Variants in RRAGD observed in about 807,000 individuals in gnomAD.
RRAGD encodes the protein Ras related GTP binding D.
RRAGD carries 12 observed loss-of-function variants against 35.5 expected under a neutral mutation model. The observed-to-expected ratio is 0.34, with a 90% confidence interval of 0.22 to 0.55. The LOEUF (loss-of-function observed/expected upper bound fraction) is 0.55. RRAGD is among the 20% of genes least tolerant of loss of function. RRAGD has a pLI of 0.91. For missense variants in RRAGD, 324 were observed against 490.1 expected (o/e 0.66, Z 3.20); for synonymous variants, 155 against 178.9 (o/e 0.87, Z 1.07).
rs1219903492 is a variant in RRAGD, at chr6:89,412,139, C to A, written c.-146G>T. ...CGGCGGAAGCGGGGGCCGCGCGTCCCCCGGCGGGCGGCGCCCAGGTCCGGG... is the reference window on the plus strand; with the variant it reads ...CGGCGGAAGCGGGGGCCGCGCGTCCACCGGCGGGCGGCGCCCAGGTCCGGG... On this transcript the variant is annotated 5_prime_UTR_variant, in exon 1 of 7. Coordinates refer to ENST00000369415, the MANE Select transcript of RRAGD (RefSeq NM_021244.5). This position sits in a 1 kb window ranked among gnomAD's most constrained non-coding sequence, Gnocchi z 4.2. The A allele has an allele frequency of 1.7e-5, 13 of 758,152 alleles. No homozygotes were observed. Among genetic ancestry groups the A allele is most frequent in the Non-Finnish European group, 2.2e-5 (12 of 553,460 alleles). The allele number at this position is 758,152 out of a possible 1,614,324, so 47.0% of individuals were successfully genotyped here.
At chr6:89,379,508 CCCA>C (rs1769006517) in intron 3 of RRAGD, among the ~76,000 whole-genome samples, 170 bp from the exon 4 acceptor site, 1 of 152,284 alleles carries the variant, frequency 6.6e-6, no homozygotes, top group South Asian at 2.1e-4. Flanking sequence ...GCCATTCCTC[CCCA>C]CCTCCCAAAA....
In RRAGD at chr6:89,411,801, G is replaced by A; in HGVS notation, c.148+45C>T. Reference sequence around the variant, plus strand: ...GGCTGGGGGCGGGAAGGCGCCAAGGGGAGGAAAGGGGCGCGAGCCGAGGAC... The same window carrying A: ...GGCTGGGGGCGGGAAGGCGCCAAGGAGAGGAAAGGGGCGCGAGCCGAGGAC... On this transcript the variant is annotated intron_variant, in intron 1 of 6. Transcript: ENST00000369415. The surrounding 1 kb of genome is among the most constrained non-coding windows in gnomAD (Gnocchi z 5.6). The A allele has an allele frequency of 6.6e-7, 1 of 1,524,278 alleles. No individual in the cohort carries two copies. Among genetic ancestry groups the A allele is most frequent in the Non-Finnish European group, 8.8e-7 (1 of 1,139,428 alleles). 94.4% of individuals were successfully genotyped at this position (1,524,278 alleles called of 1,614,324 possible).
At chr6:89,369,432 C>G (rs1323422198) in intron 6 of RRAGD, among the ~76,000 whole-genome samples, 1 of 152,184 alleles carries the variant, frequency 6.6e-6, no homozygotes, top group Non-Finnish European at 1.5e-5. Context: ...CAATGAAATA[C>G]TCAACTTGGG....
At chr6:89,379,098 C>G (rs1378299878) in intron 4 of RRAGD, 126 bp downstream of exon 4, 2 of 552,086 alleles carry the variant, frequency 3.6e-6, no homozygotes, top group Admixed American at 7.1e-5. Context: ...TAGGAGTAAT[C>G]TTTAAAAGTA....
chr6:89,380,329 CG>C lies in RRAGD; in HGVS notation c.482del (p.Thr161ArgfsTer2). ...YMEALARLHL[T>X]VTRAYKVNTD... ...TATTCACTTTGTAGGCCCTGGTCACCGTGAGGTGGAGCCTGGCCAGGGCTTC... is the reference window on the plus strand; with the variant it reads ...TATTCACTTTGTAGGCCCTGGTCACCTGAGGTGGAGCCTGGCCAGGGCTTC... On this transcript the variant is annotated frameshift_variant, in exon 3 of 7. Coordinates refer to ENST00000369415, the MANE Select transcript of RRAGD (RefSeq NM_021244.5). LOFTEE classifies it high-confidence loss of function. The C allele has an allele frequency of 6.2e-7, 1 of 1,614,196 alleles. No individual in the cohort carries two copies. The highest frequency in any genetic ancestry group is 8.5e-7 in the Non-Finnish European group (1 of 1,180,030).
At chr6:89,409,055 T>C (rs897378292) in intron 1 of RRAGD, among the ~76,000 whole-genome samples, 8 of 152,172 alleles carry the variant, frequency 5.3e-5, no homozygotes, top group African/African-American at 1.7e-4. Flanking sequence ...GAATAAAATA[T>C]GGAGTGGAAG....
intron 1 of RRAGD, among the ~76,000 whole-genome samples, chr6:89,406,224 T>C (rs1221944586): frequency 6.6e-6 from 1 of 152,018 alleles, no homozygotes; most frequent in African/African-American, 2.4e-5. Context: ...GTGTGGTCCC[T>C]TTAAACGGTA....
intron 1 of RRAGD, among the ~76,000 whole-genome samples, chr6:89,404,904 A>T (rs1208256285): frequency 1.3e-5 from 2 of 152,208 alleles, no homozygotes; most frequent in Non-Finnish European, 2.9e-5. Context: ...TGCCATCCTA[A>T]GCTCAAGGAT....
intron 1 of RRAGD, among the ~76,000 whole-genome samples, chr6:89,405,450 A>G (rs1166553531): frequency 6.6e-6 from 1 of 151,884 alleles, no homozygotes; most frequent in African/African-American, 2.4e-5. Context: ...ACTAGGATTC[A>G]AGTCCCAACT....
Position 89,402,038 on chromosome 6 carries a change from AT to A in RRAGD, c.148+9807del, listed in dbSNP as rs71556520. Among the ~76,000 whole-genome samples the A allele has an allele frequency of 2.2e-3, 175 of 78,428 alleles. 2 individuals are homozygous for A. Among genetic ancestry groups the A allele is most frequent in the South Asian group, 5.0e-3 (9 of 1,814 alleles). 51.5% of individuals were successfully genotyped at this position (78,428 alleles called of 152,430 possible). ...TGAAAGCACTGAGGAAATCCTAAGG[AT>A]TTTTTTTTTTTTTTTTTTTTTGGTG... On this transcript the variant is annotated intron_variant, in intron 1 of 6. Coordinates refer to ENST00000369415, the MANE Select transcript of RRAGD (RefSeq NM_021244.5).
Position 89,411,702 on chromosome 6 carries a change from C to G in RRAGD, c.148+144G>C. 1.1e-6 allele frequency: 1 copy of G among 898,614 alleles called. No homozygotes were observed. The highest frequency in any genetic ancestry group is 1.8e-5 in the South Asian group (1 of 56,276). 55.7% of individuals were successfully genotyped at this position (898,614 alleles called of 1,614,324 possible). A position where few individuals can be genotyped will look rare whatever the true frequency, so the allele number is the denominator to read the frequency against. On this transcript the variant is annotated intron_variant, in intron 1 of 6. Coordinates refer to ENST00000369415, the MANE Select transcript of RRAGD (RefSeq NM_021244.5). This position sits in a 1 kb window ranked among gnomAD's most constrained non-coding sequence, Gnocchi z 5.6. ...CAGCTCGAGGTCGGGCTTTTGGCGT[C>G]CCTCCCCACCCCAAACCCTCAACTG...
chr6:89,370,409 A>C (rs7760269), intron 6 of RRAGD, among the ~76,000 whole-genome samples: 11,785 of 152,250 alleles, frequency 0.077, 1,086 homozygotes, highest in East Asian at 0.27. Context: ...TTTTCAGTTA[A>C]CAACTTTTAA....
At chr6:89,372,339 G>T in intron 6 of RRAGD, 98 bp downstream of exon 6, 1 of 1,311,128 alleles carries the variant, frequency 7.6e-7, no homozygotes, top group East Asian at 2.7e-5. Context: ...GAAGTTTCGA[G>T]GGCTATGCTG....
chr6:89,378,524 C>A (rs1235470361), intron 4 of RRAGD, among the ~76,000 whole-genome samples: 1 of 152,158 alleles, frequency 6.6e-6, no homozygotes, highest in East Asian at 1.9e-4. Context: ...AATAGGTCTG[C>A]CTCAATTCAA....
At chr6:89,407,006 G>A (rs1361801424) in intron 1 of RRAGD, among the ~76,000 whole-genome samples, 1 of 152,196 alleles carries the variant, frequency 6.6e-6, no homozygotes, top group Non-Finnish European at 1.5e-5. Flanking sequence ...AAAATGTTCT[G>A]ATTTACCAAT....
At chr6:89,386,342 C>T (rs1582512651) in intron 2 of RRAGD, among the ~76,000 whole-genome samples, 1 of 152,256 alleles carries the variant, frequency 6.6e-6, no homozygotes, top group Middle Eastern at 3.4e-3. Flanking sequence ...CTCCCCTTTA[C>T]ACCAACTACA....
At chr6:89,399,984 T>C (rs1334743347) in intron 1 of RRAGD, among the ~76,000 whole-genome samples, 1 of 152,074 alleles carries the variant, frequency 6.6e-6, no homozygotes, top group Non-Finnish European at 1.5e-5. Flanking sequence ...CTCGGGGAAG[T>C]AAACTGCCCA....
rs118187704 is a variant in RRAGD at position 89,402,210 on chromosome 6, G to A, written c.148+9636C>T. Among the ~76,000 whole-genome samples, 361 of 151,802 alleles carry A rather than the reference G, an allele frequency of 2.4e-3. 2 individuals carry two copies. The highest frequency in any genetic ancestry group is 0.01 in the Middle Eastern group (3 of 294). ...TTACAGGCACGCACCAGCACACCTG[G>A]TTAATTTTTGTATTTTTAGTAGAGA... On this transcript the variant is annotated intron_variant, in intron 1 of 6. Transcript: ENST00000369415.
intron 1 of RRAGD, among the ~76,000 whole-genome samples, chr6:89,402,038 A>ATTTTTTTTTTTTTTTTTTTTT (rs71556520): frequency 2.5e-5 from 2 of 78,434 alleles, no homozygotes; most frequent in East Asian, 4.5e-4. Context: ...AATCCTAAGG[A>ATTTTTTTTTTTTTTTTTTTTT]TTTTTTTTTT....
Sources: allele counts gnomAD v4.1 joint callset (sites outside exome capture counted in the v4.1 genomes callset), GRCh38; gene constraint gnomAD v4.1.1; non-coding constraint Gnocchi (gnomAD v3.1); transcripts MANE v1.5; gene names NCBI Gene and HGNC (gene_info 2026-07-23, HGNC 2026-07-21).